The following SGCD variants were observed in gnomAD, a reference collection of about 807,000 sequenced individuals.
SGCD encodes delta-sarcoglycan.
SGCD carries 18 observed loss-of-function variants against 36.6 expected under a neutral mutation model. That is an observed-to-expected ratio of 0.49 (90% CI 0.34 to 0.73). The LOEUF is 0.73. Among genes scored for constraint, SGCD ranks in the 30% least tolerant of loss-of-function variants. SGCD has a pLI of 0.01. For missense variants in SGCD, 387 were observed against 346.7 expected, an observed-to-expected ratio of 1.12 and a Z score of -0.92; for synonymous variants, 133 against 130.6, an observed-to-expected ratio of 1.02 and a Z score of -0.12.
rs1226472098 is a variant in SGCD, at chr5:156,761,986, T to C, written c.*2596T>C. 2.0e-5 allele frequency: 3 copies of C among 152,624 alleles called. No individual in the cohort carries two copies. The East Asian group carries it at 5.8e-4, about 29-fold the overall frequency. 9.5% of individuals were successfully genotyped at this position (152,624 alleles called of 1,614,324 possible). The stretch of plus-strand genomic sequence containing the variant: ...ATATGGGTTAAATTATGCATTTTGT[T>C]CAGATTTTGGAAATTGGTATGCATT... On this transcript the variant is annotated 3_prime_UTR_variant, in exon 9 of 9. Coordinates refer to ENST00000337851, the MANE Select transcript of SGCD (RefSeq NM_000337.6).
intron 3 of SGCD, among the ~76,000 whole-genome samples, chr5:156,219,938 A>G (rs190719517): frequency 3.3e-5 from 5 of 152,326 alleles, no homozygotes; most frequent in African/African-American, 1.2e-4. Context: ...GTGCCAGTTC[A>G]GAATGTGATC....
At chr5:155,873,630 A>G (rs1755705101) in intron 1 of SGCD, among the ~76,000 whole-genome samples, 1 of 152,206 alleles carries the variant, frequency 6.6e-6, no homozygotes, top group Non-Finnish European at 1.5e-5. Context: ...CCAACTTCAC[A>G]GTGTATCCAC....
chr5:155,773,832 A>T, the SGCD span, among the ~76,000 whole-genome samples: 1 of 152,072 alleles, frequency 6.6e-6, no homozygotes, highest in African/African-American at 2.4e-5. Context: ...CAAGCAAGGG[A>T]TGTAGTGTGT....
chr5:155,989,151 G>T (rs916890204), intron 1 of SGCD, among the ~76,000 whole-genome samples: 1 of 152,168 alleles, frequency 6.6e-6, no homozygotes, highest in Non-Finnish European at 1.5e-5. Flanking sequence ...ACTGAAGTTA[G>T]CTGCTATTTG....
At chr5:156,229,890 G>C (rs934402163) in intron 3 of SGCD, among the ~76,000 whole-genome samples, 1 of 152,118 alleles carries the variant, frequency 6.6e-6, no homozygotes, top group South Asian at 2.1e-4. Context: ...TGTTGGATTG[G>C]GTTAATTCGA....
At chr5:156,572,046 T>C (rs1759746119) in intron 4 of SGCD, among the ~76,000 whole-genome samples, 1 of 152,230 alleles carries the variant, frequency 6.6e-6, no homozygotes, top group Admixed American at 6.5e-5. Flanking sequence ...GTGTAATGTT[T>C]GCAAGGTTCA....
intron 1 of SGCD, among the ~76,000 whole-genome samples, chr5:155,970,606 G>A (rs1471720320): frequency 2.0e-5 from 3 of 152,104 alleles, no homozygotes; most frequent in African/African-American, 7.2e-5. Flanking sequence ...ACAGAGTGAT[G>A]GGAAATGCTA....
intron 7 of SGCD, among the ~76,000 whole-genome samples, chr5:156,649,126 G>T (rs1219021731): frequency 6.6e-6 from 1 of 152,120 alleles, no homozygotes; most frequent in Non-Finnish European, 1.5e-5. Context: ...ATCATCACTG[G>T]CCATCAGAGA....
At chr5:156,037,536 A>G (rs1029665297) in intron 1 of SGCD, among the ~76,000 whole-genome samples, 18 of 152,222 alleles carry the variant, frequency 1.2e-4, no homozygotes, top group Non-Finnish European at 7.3e-5. Flanking sequence ...AGTTACCTAC[A>G]CAAACTTATT....
rs1174307089 is a variant in SGCD at position 156,108,603 on chromosome 5, G to A, written c.-281-9275G>A. Among the ~76,000 whole-genome samples, 8 of 152,164 alleles carry A rather than the reference G, an allele frequency of 5.3e-5. No homozygotes were observed. The East Asian group carries it at 1.3e-3, about 26-fold the overall frequency. On this transcript the variant is annotated intron_variant, in intron 1 of 9. Transcript: ENST00000517913. ...TTCATAATTTCATTTCTTTGAAACAGCCATATAAAACTCCTAATTGTATTT... is the reference window on the plus strand; with the variant it reads ...TTCATAATTTCATTTCTTTGAAACAACCATATAAAACTCCTAATTGTATTT...
the SGCD span, among the ~76,000 whole-genome samples, chr5:155,754,326 G>A: frequency 6.6e-6 from 1 of 152,172 alleles, no homozygotes; most frequent in Non-Finnish European, 1.5e-5. Context: ...CCAAATATAA[G>A]GGACTATAAT....
chr5:156,087,699 G>C (rs1293581731), intron 1 of SGCD, among the ~76,000 whole-genome samples: 1 of 151,002 alleles, frequency 6.6e-6, no homozygotes, highest in African/African-American at 2.4e-5. Context: ...CTTTATGCAT[G>C]TGGTACATTT....
intron 7 of SGCD, among the ~76,000 whole-genome samples, chr5:156,734,741 A>G (rs771455573): frequency 3.4e-4 from 52 of 152,108 alleles, no homozygotes; most frequent in Non-Finnish European, 5.4e-4. Context: ...TATACTGGCT[A>G]TTTTGGCTGT....
chr5:156,515,116 G>C lies in SGCD; in HGVS notation c.294+6414G>C, dbSNP rs143888673. On this transcript the variant is annotated intron_variant, in intron 4 of 8. Coordinates refer to ENST00000337851, the MANE Select transcript of SGCD (RefSeq NM_000337.6). ...CCCGTTTTATATTCAGTAGCTTTTA[G>C]TTTAAAATTTTTCCTTTGCTGTGTT... Among the ~76,000 whole-genome samples the C allele has an allele frequency of 2.2e-3, 335 of 152,018 alleles. 1 individual carries two copies. Among genetic ancestry groups the C allele is most frequent in the African/African-American group, 7.6e-3 (316 of 41,458 alleles).
At chr5:156,176,049 G>C (rs1763461007) in intron 3 of SGCD, among the ~76,000 whole-genome samples, 1 of 151,886 alleles carries the variant, frequency 6.6e-6, no homozygotes, top group Non-Finnish European at 1.5e-5. Context: ...TCAGAAAGTT[G>C]CTTGCGATTT....
chr5:156,191,672 A>G (rs551249731), intron 3 of SGCD, among the ~76,000 whole-genome samples: 2 of 152,148 alleles, frequency 1.3e-5, no homozygotes, highest in Non-Finnish European at 2.9e-5. Context: ...CTTAGTGGCT[A>G]TACAGGTGCA....
rs143094759 is a variant in SGCD, at chr5:156,445,796, TCACA to T, written c.193-62793_193-62790del. ...GATGCATAGTGATAACCCCAAAATATCACACACACACACACGCACATGCACACAC... is the reference window on the plus strand; with the variant it reads ...GATGCATAGTGATAACCCCAAAATATCACACACACACGCACATGCACACAC... On this transcript the variant is annotated intron_variant, in intron 3 of 8. Coordinates refer to ENST00000337851, the MANE Select transcript of SGCD (RefSeq NM_000337.6). Among the ~76,000 whole-genome samples, 22 of 151,380 alleles carry T rather than the reference TCACA, an allele frequency of 1.5e-4. 1 individual carries two copies. The highest frequency in any genetic ancestry group is 6.8e-3 in the Middle Eastern group (2 of 292).
intron 3 of SGCD, among the ~76,000 whole-genome samples, chr5:156,487,324 A>T (rs1755720719): frequency 6.6e-6 from 1 of 152,184 alleles, no homozygotes; most frequent in Non-Finnish European, 1.5e-5. Flanking sequence ...ATCCTACTCA[A>T]TCAACACTAT....
chr5:156,270,129 T>G (rs901578712), intron 3 of SGCD, among the ~76,000 whole-genome samples: 3 of 152,194 alleles, frequency 2.0e-5, no homozygotes, highest in African/African-American at 7.2e-5. Context: ...TAGGGGGTCC[T>G]TCCTCCATTG....
Sources: allele counts gnomAD v4.1 joint callset (sites outside exome capture counted in the v4.1 genomes callset), GRCh38; gene constraint gnomAD v4.1.1; transcripts MANE v1.5; gene names NCBI Gene and HGNC (gene_info 2026-07-23, HGNC 2026-07-21).